The following FBXL7 variants were observed in gnomAD, a reference collection of about 807,000 sequenced individuals.
FBXL7 encodes F-box and leucine rich repeat protein 7.
Under a neutral mutation model 38.3 loss-of-function variants are expected in FBXL7, and 12 were observed. The observed-to-expected ratio is 0.31, with a 90% CI of 0.20 to 0.51. The LOEUF is 0.51. Among genes scored for constraint, FBXL7 ranks in the 20% least tolerant of loss-of-function variants. The pLI, the probability that FBXL7 is intolerant of heterozygous loss-of-function variation, is 0.98. For synonymous variants in FBXL7, 297 were observed against 300.9 expected (o/e 0.99, Z 0.13); for missense variants, 567 against 676.4 (o/e 0.84, Z 1.79).
chr5:15,854,439 C>A (rs1739193526), intron 2 of FBXL7, among the ~76,000 whole-genome samples: 1 of 151,994 alleles, frequency 6.6e-6, no homozygotes, highest in Non-Finnish European at 1.5e-5. Flanking sequence ...AGCCTATGTG[C>A]CATGTGACTT....
At chr5:15,785,339 G>A (rs1737107041) in intron 2 of FBXL7, among the ~76,000 whole-genome samples, 1 of 152,088 alleles carries the variant, frequency 6.6e-6, no homozygotes, top group Admixed American at 6.5e-5. Context: ...ATGTGACCAT[G>A]ATACACATTC....
intron 2 of FBXL7, among the ~76,000 whole-genome samples, chr5:15,819,695 A>G (rs971061144): frequency 1.3e-5 from 2 of 152,192 alleles, no homozygotes; most frequent in African/African-American, 4.8e-5. Flanking sequence ...TGCGTTTGAT[A>G]TCAACCAGTT....
At chr5:15,689,134 G>A (rs532773068) in intron 2 of FBXL7, among the ~76,000 whole-genome samples, 2 of 152,328 alleles carry the variant, frequency 1.3e-5, no homozygotes, top group Admixed American at 6.5e-5. Context: ...CAATGCGACA[G>A]CTCCTATTGC....
At chr5:15,534,754 G>A (rs1373351329) in intron 1 of FBXL7, among the ~76,000 whole-genome samples, 1 of 152,212 alleles carries the variant, frequency 6.6e-6, no homozygotes, top group East Asian at 1.9e-4. Context: ...CCAAGTGGCT[G>A]TACCATTTTG....
chr5:15,894,335 C>T (rs1490325249), intron 2 of FBXL7, among the ~76,000 whole-genome samples: 1 of 152,186 alleles, frequency 6.6e-6, no homozygotes, highest in Non-Finnish European at 1.5e-5. Flanking sequence ...GTCAAATGGA[C>T]TTCTGGAATA....
intron 1 of FBXL7, among the ~76,000 whole-genome samples, chr5:15,588,687 G>A (rs1481751939): frequency 6.6e-6 from 1 of 151,976 alleles, no homozygotes. Context: ...GCGCCCGGCC[G>A]CCATGTTGTA....
chr5:15,548,021 G>T (rs1737963886), intron 1 of FBXL7, among the ~76,000 whole-genome samples: 1 of 152,134 alleles, frequency 6.6e-6, no homozygotes, highest in Admixed American at 6.6e-5. Flanking sequence ...TCCTGAAATT[G>T]GGAAACATCC....
intron 2 of FBXL7, among the ~76,000 whole-genome samples, chr5:15,836,425 T>C (rs257763): frequency 0.54 from 81,482 of 151,888 alleles, 23,054 homozygotes; most frequent in Non-Finnish European, 0.64. Context: ...TTAAGAGAGA[T>C]TGGGAAGATC....
intron 2 of FBXL7, among the ~76,000 whole-genome samples, chr5:15,673,690 T>C (rs1742559912): frequency 6.6e-6 from 1 of 152,178 alleles, no homozygotes; most frequent in Non-Finnish European, 1.5e-5. Context: ...CTTGTCCTTT[T>C]AGTTATACCT....
intron 2 of FBXL7, among the ~76,000 whole-genome samples, chr5:15,870,401 G>A (rs1312845986): frequency 6.6e-6 from 1 of 152,122 alleles, no homozygotes; most frequent in Admixed American, 6.5e-5. Context: ...CACTGCTGGA[G>A]CATTTGAAGA....
At chr5:15,686,307 G>A (rs778556393) in intron 2 of FBXL7, among the ~76,000 whole-genome samples, 37 of 152,110 alleles carry the variant, frequency 2.4e-4, no homozygotes, top group Non-Finnish European at 4.7e-4. Context: ...TTTTTGTTTC[G>A]TTGTTCATTG....
At chr5:15,597,591 C>T (rs745831060) in intron 1 of FBXL7, among the ~76,000 whole-genome samples, 1 of 149,018 alleles carries the variant, frequency 6.7e-6, no homozygotes, top group East Asian at 2.0e-4. Flanking sequence ...CACAGTTTTA[C>T]AAGAAGGCGT....
chr5:15,594,516 G>T (rs1391316587), intron 1 of FBXL7, among the ~76,000 whole-genome samples: 4 of 152,178 alleles, frequency 2.6e-5, no homozygotes, highest in Non-Finnish European at 4.4e-5. Flanking sequence ...TGTCGCCCAG[G>T]GCTAGAAACA....
intron 1 of FBXL7, among the ~76,000 whole-genome samples, chr5:15,554,813 C>T (rs1247802771): frequency 6.6e-6 from 1 of 152,144 alleles, no homozygotes; most frequent in Admixed American, 6.5e-5. Context: ...CATAACGTCC[C>T]CTTTCACTCA....
At chr5:15,595,316 G>A (rs1038141932) in intron 1 of FBXL7, among the ~76,000 whole-genome samples, 6 of 152,124 alleles carry the variant, frequency 3.9e-5, no homozygotes, top group Non-Finnish European at 8.8e-5. Flanking sequence ...TGGATCGGGA[G>A]GGGAAGAGAT....
At chr5:15,815,966 C>G (rs796228376) in intron 2 of FBXL7, among the ~76,000 whole-genome samples, 2 of 152,062 alleles carry the variant, frequency 1.3e-5, no homozygotes. Context: ...CCACATCTAC[C>G]TAATGATTTA....
chr5:15,722,878 G>A lies in FBXL7; in HGVS notation c.127+106806G>A, dbSNP rs575963381. Among the ~76,000 whole-genome samples the A allele has an allele frequency of 8.8e-5, 13 of 148,338 alleles. No individual in the cohort carries two copies. The South Asian group carries it at 1.3e-3, about 14-fold the overall frequency. ...GCGAAGGTTGCAGTGAGCCGAGATC[G>A]CGCCACTACACTCCAGCCTGCTGAC... On this transcript the variant is annotated intron_variant, in intron 2 of 3. Transcript: ENST00000504595.
At chr5:15,635,711 A>G (rs1741157516) in intron 2 of FBXL7, among the ~76,000 whole-genome samples, 1 of 152,166 alleles carries the variant, frequency 6.6e-6, no homozygotes, top group Non-Finnish European at 1.5e-5. Context: ...GACAGTTCAT[A>G]TAGGACCTTC....
At chr5:15,590,158 C>A (rs973871428) in intron 1 of FBXL7, among the ~76,000 whole-genome samples, 4 of 152,138 alleles carry the variant, frequency 2.6e-5, no homozygotes. Context: ...CAGACTGGGC[C>A]ACGTTTACTC....
Sources: gnomAD v4.1 joint callset for allele counts (sites outside exome capture counted in the v4.1 genomes callset) on GRCh38, gnomAD v4.1.1 for gene constraint, MANE v1.5 for transcripts, NCBI Gene and HGNC (gene_info 2026-07-23, HGNC 2026-07-21) for gene names.